NLRP4: variants seen among roughly 807,000 people sequenced by gnomAD.
NLRP4 encodes NACHT, LRR and PYD domains-containing protein 4.
Under a neutral mutation model 84.7 loss-of-function variants are expected in NLRP4, and 44 were observed. The ratio of observed to expected loss-of-function variants is 0.52; its 90% CI spans 0.41 to 0.67. The LOEUF (loss-of-function observed/expected upper bound fraction) is 0.67. Among genes scored for constraint, NLRP4 ranks in the 30% least tolerant of loss-of-function variants. NLRP4 has a pLI of 0.00. For missense variants in NLRP4, 1,260 were observed against 1,219.4 expected (o/e 1.03, Z -0.50); for synonymous variants, 544 against 476.4 (o/e 1.14, Z -1.85).
At position 55,861,331 on chromosome 19, in the gene NLRP4, A is replaced by G. The variant is rs1984741922; in HGVS notation, c.1857-55A>G. Reference sequence around the variant, plus strand: ...ACAGCGTAGTGCGTATATGTGTTACAAGTGGCTCGTGTTGACCGCCTGCCT... The same window carrying G: ...ACAGCGTAGTGCGTATATGTGTTACGAGTGGCTCGTGTTGACCGCCTGCCT... On this transcript the variant is annotated intron_variant, in intron 3 of 9. Coordinates refer to ENST00000301295, the MANE Select transcript of NLRP4 (RefSeq NM_134444.5). The G allele has an allele frequency of 3.3e-6, 5 of 1,506,750 alleles. No individual in the cohort carries two copies. In the South Asian group the frequency reaches 5.8e-5, roughly 18 times the overall value. The allele number at this position is 1,506,750 out of a possible 1,614,324, so 93.3% of individuals were successfully genotyped here.
chr19:55,875,932 G>A (rs1044420829), intron 7 of NLRP4, among the ~76,000 whole-genome samples: 1 of 152,068 alleles, frequency 6.6e-6, no homozygotes, highest in African/African-American at 2.4e-5. Context: ...AGCTACTCAG[G>A]AGGCTGAGGC....
intron 2 of NLRP4, among the ~76,000 whole-genome samples, chr19:55,854,194 A>T (rs751493572): frequency 6.6e-6 from 1 of 151,830 alleles, no homozygotes; most frequent in Non-Finnish European, 1.5e-5. Flanking sequence ...CTGGTCTCGA[A>T]CTCCTGACCT....
At chr19:55,879,631 T>G (rs1040604796) in intron 9 of NLRP4, among the ~76,000 whole-genome samples, 3 of 152,144 alleles carry the variant, frequency 2.0e-5, no homozygotes, top group Non-Finnish European at 4.4e-5. Context: ...GGTAGCTCTT[T>G]TCACTGGCGC....
At chr19:55,859,660 G>A (rs913740741) in intron 3 of NLRP4, among the ~76,000 whole-genome samples, 6 of 151,968 alleles carry the variant, frequency 3.9e-5, no homozygotes, top group African/African-American at 9.7e-5. Flanking sequence ...GGGTGTGGTG[G>A]CTCATGCCTG....
At chr19:55,871,065 G>A (rs961428011) in intron 7 of NLRP4, 68 bp downstream of exon 7, 7 of 1,388,960 alleles carry the variant, frequency 5.0e-6, no homozygotes, top group African/African-American at 4.3e-5. Flanking sequence ...TGAGAATGGG[G>A]CATCTGGAAT....
intron 2 of NLRP4, among the ~76,000 whole-genome samples, chr19:55,853,929 TTCTC>T (rs900993418): frequency 1.4e-5 from 2 of 146,506 alleles, no homozygotes; most frequent in African/African-American, 2.5e-5. Context: ...CTCTTTCTCT[TTCTC>T]TCTCTCTTTC....
At chr19:55,839,597 A>G (rs1983530542) in intron 1 of NLRP4, among the ~76,000 whole-genome samples, 6 of 152,108 alleles carry the variant, frequency 3.9e-5, no homozygotes, top group Admixed American at 3.9e-4. Context: ...AAAAATGGTA[A>G]TAGTCTCAAT....
At chr19:55,853,761 TTC>T (rs532484414) in intron 2 of NLRP4, among the ~76,000 whole-genome samples, 46 of 130,344 alleles carry the variant, frequency 3.5e-4, no homozygotes, top group East Asian at 2.2e-3. Flanking sequence ...CTCTTTCTCT[TTC>T]TCTCTCTCTC....
At chr19:55,839,454 C>T (rs987516778) in intron 1 of NLRP4, among the ~76,000 whole-genome samples, 2 of 145,910 alleles carry the variant, frequency 1.4e-5, no homozygotes, top group Non-Finnish European at 3.0e-5. Context: ...ATGTTTGAGC[C>T]TGAAGTCTTC....
At chr19:55,860,022 G>A (rs1434608664) in intron 3 of NLRP4, among the ~76,000 whole-genome samples, 1 of 69,664 alleles carries the variant, frequency 1.4e-5, no homozygotes. Context: ...GTTTTGCTTT[G>A]TCACCCAGGC....
At chr19:55,867,491 A>T (rs908980612) in intron 5 of NLRP4, among the ~76,000 whole-genome samples, 1 of 151,192 alleles carries the variant, frequency 6.6e-6, no homozygotes, top group Non-Finnish European at 1.5e-5. Context: ...TACCCCAGAG[A>T]CCGTAAGCCA....
chr19:55,868,741 A>G (rs890613353), intron 6 of NLRP4, among the ~76,000 whole-genome samples: 1 of 152,118 alleles, frequency 6.6e-6, no homozygotes, highest in African/African-American at 2.4e-5. Context: ...TATTTTTTAA[A>G]TACACAAATA....
intron 2 of NLRP4, 53 bp from the exon 3 acceptor site, chr19:55,857,621 G>T (rs2123031674): frequency 6.5e-7 from 1 of 1,550,242 alleles, no homozygotes; most frequent in Non-Finnish European, 8.8e-7. Context: ...AAGAATATAT[G>T]CAGGAATGCT....
chr19:55,881,334 G>A (rs985783619), intron 9 of NLRP4, 136 bp from the exon 10 acceptor site: 1 of 576,920 alleles, frequency 1.7e-6, no homozygotes, highest in Non-Finnish European at 3.1e-6. Flanking sequence ...TGCATTTGAT[G>A]TGTATGTCTT....
intron 2 of NLRP4, 122 bp downstream of exon 2, chr19:55,852,482 T>G (rs1984205134): frequency 1.6e-6 from 1 of 640,568 alleles, no homozygotes; most frequent in African/African-American, 2.0e-5. Flanking sequence ...TTAGGTTTTT[T>G]TTTTTTTTTT....
At chr19:55,842,020 C>T (rs1983631386) in intron 1 of NLRP4, among the ~76,000 whole-genome samples, 1 of 152,144 alleles carries the variant, frequency 6.6e-6, no homozygotes, top group Non-Finnish European at 1.5e-5. Flanking sequence ...TACTGTTTTC[C>T]ATAGTGGTTC....
chr19:55,846,913 C>A lies in NLRP4; in HGVS notation c.-65-5103C>A, dbSNP rs1449310168. Among the ~76,000 whole-genome samples the A allele has an allele frequency of 2.0e-5, 3 of 152,024 alleles. No individual in the cohort carries two copies. In the East Asian group the frequency reaches 5.8e-4, roughly 29 times the overall value. Reference sequence around the variant, plus strand: ...TTCCGAATACTGCTTAATAATTTTCCCTAATTTTTGTGGGTTTTATTTATT... The same window carrying A: ...TTCCGAATACTGCTTAATAATTTTCACTAATTTTTGTGGGTTTTATTTATT... On this transcript the variant is annotated intron_variant, in intron 1 of 9. Transcript: ENST00000301295.
chr19:55,846,030 A>G (rs1411839369), intron 1 of NLRP4, among the ~76,000 whole-genome samples: 2 of 152,220 alleles, frequency 1.3e-5, no homozygotes, highest in Non-Finnish European at 2.9e-5. Flanking sequence ...TAGTTTAATT[A>G]GATCCCATTT....
chr19:55,868,392 G>A (rs1985045389), intron 6 of NLRP4, among the ~76,000 whole-genome samples: 2 of 152,118 alleles, frequency 1.3e-5, no homozygotes, highest in African/African-American at 4.8e-5. Flanking sequence ...AAGGAAGACA[G>A]ATGAGTAAGT....
Sources: allele counts gnomAD v4.1 joint callset (sites outside exome capture counted in the v4.1 genomes callset), GRCh38; gene constraint gnomAD v4.1.1; transcripts MANE v1.5; gene names NCBI Gene and HGNC (gene_info 2026-07-23, HGNC 2026-07-21).